The following HS6ST3 variants were observed in gnomAD, a reference collection of about 807,000 sequenced individuals.
HS6ST3 encodes heparan-sulfate 6-O-sulfotransferase 3.
A neutral mutation model predicts 36.7 loss-of-function variants in HS6ST3; 12 were observed. That is an observed-to-expected ratio of 0.33 (90% CI 0.21 to 0.53). The LOEUF is 0.53. Ranked by LOEUF, HS6ST3 falls within the 20% of genes least tolerant of loss-of-function variation. The pLI, the probability that HS6ST3 is intolerant of heterozygous loss-of-function variation, is 0.95. For synonymous variants in HS6ST3, 240 were observed against 257.5 expected (o/e 0.93, Z 0.65); for missense variants, 584 against 640.9 (o/e 0.91, Z 0.96).
chr13:96,472,531 A>G (rs1175011317), intron 1 of HS6ST3, among the ~76,000 whole-genome samples: 1 of 152,150 alleles, frequency 6.6e-6, no homozygotes, highest in Non-Finnish European at 1.5e-5. Flanking sequence ...TGAAACACAC[A>G]TCGATGCCCT....
At chr13:96,252,494 C>G (rs1361389850) in intron 1 of HS6ST3, among the ~76,000 whole-genome samples, 3 of 152,184 alleles carry the variant, frequency 2.0e-5, no homozygotes, top group Admixed American at 2.0e-4. Flanking sequence ...ATTTTGCAGT[C>G]AGGTCTTGTG....
intron 1 of HS6ST3, among the ~76,000 whole-genome samples, chr13:96,175,285 A>C (rs1335013143): frequency 6.6e-6 from 1 of 152,038 alleles, no homozygotes; most frequent in Non-Finnish European, 1.5e-5. Context: ...TTTTCCCGGG[A>C]GCGTGTGCAC....
At chr13:96,403,502 A>G (rs766521070) in intron 1 of HS6ST3, among the ~76,000 whole-genome samples, 2 of 152,222 alleles carry the variant, frequency 1.3e-5, no homozygotes, top group Non-Finnish European at 2.9e-5. Flanking sequence ...CCAGTAACTC[A>G]GATCCCACAT....
intron 1 of HS6ST3, among the ~76,000 whole-genome samples, chr13:96,271,529 G>A (rs574036659): frequency 6.6e-6 from 1 of 151,982 alleles, no homozygotes; most frequent in East Asian, 1.9e-4. Context: ...GGCAGGGACT[G>A]TTCTTGCCTT....
At chr13:96,655,385 A>G (rs902457089) in intron 1 of HS6ST3, among the ~76,000 whole-genome samples, 6 of 152,218 alleles carry the variant, frequency 3.9e-5, no homozygotes, top group African/African-American at 1.2e-4. Flanking sequence ...AGATTATTGC[A>G]TATTTCCAGG....
At chr13:96,503,548 G>T (rs1327119424) in intron 1 of HS6ST3, among the ~76,000 whole-genome samples, 1 of 152,144 alleles carries the variant, frequency 6.6e-6, no homozygotes, top group Non-Finnish European at 1.5e-5. Context: ...GGAAGAGTGG[G>T]ATTTATTACT....
chr13:96,736,887 T>A (rs1218879353), intron 1 of HS6ST3, among the ~76,000 whole-genome samples: 1 of 152,156 alleles, frequency 6.6e-6, no homozygotes, highest in Non-Finnish European at 1.5e-5. Context: ...AAACCCAAAC[T>A]GTAATACATT....
At chr13:96,233,518 A>G (rs1427032859) in intron 1 of HS6ST3, among the ~76,000 whole-genome samples, 1 of 152,244 alleles carries the variant, frequency 6.6e-6, no homozygotes, top group African/African-American at 2.4e-5. Flanking sequence ...GAAGAGTTCC[A>G]GCAAAATAAA....
At chr13:96,616,613 T>C (rs2056475214) in intron 1 of HS6ST3, among the ~76,000 whole-genome samples, 1 of 152,198 alleles carries the variant, frequency 6.6e-6, no homozygotes, top group South Asian at 2.1e-4. Context: ...CTAAGATTGC[T>C]GCATGAGAAC....
At chr13:96,204,043 T>C (rs1388672457) in intron 1 of HS6ST3, among the ~76,000 whole-genome samples, 1 of 152,196 alleles carries the variant, frequency 6.6e-6, no homozygotes, top group African/African-American at 2.4e-5. Flanking sequence ...TACTATAAAC[T>C]GTTATGTGAC....
At chr13:96,497,746 T>A (rs968220722) in intron 1 of HS6ST3, among the ~76,000 whole-genome samples, 1 of 152,178 alleles carries the variant, frequency 6.6e-6, no homozygotes, top group Admixed American at 6.5e-5. Context: ...TTAAAATCTG[T>A]CCCCTGCATA....
intron 1 of HS6ST3, among the ~76,000 whole-genome samples, chr13:96,492,357 A>C (rs2055950733): frequency 6.6e-6 from 1 of 152,220 alleles, no homozygotes; most frequent in Admixed American, 6.5e-5. Flanking sequence ...CTGGTAAGGA[A>C]CATCTACCAG....
intron 1 of HS6ST3, among the ~76,000 whole-genome samples, chr13:96,767,464 G>GGTAT (rs1877147316): frequency 6.6e-6 from 1 of 152,126 alleles, no homozygotes; most frequent in South Asian, 2.1e-4. Context: ...AAATGGCTTT[G>GGTAT]GTATGTATGT....
rs55827702 is a variant in HS6ST3, at chr13:96,416,661, A to ATT, written c.707+325106_707+325107dup. Among the ~76,000 whole-genome samples, 827 of 143,454 alleles carry ATT rather than the reference A, an allele frequency of 5.8e-3. 7 individuals carry two copies. The highest frequency in any genetic ancestry group is 0.015 in the Middle Eastern group (4 of 272). The allele number at this position is 143,454 out of a possible 152,430, so 94.1% of individuals were successfully genotyped here. The stretch of plus-strand genomic sequence containing the variant: ...CTTTAGAACTGTAAACTGTAAGTGT[A>ATT]TTTTTTTTTTTTTTTGAAAGCTCTT... On this transcript the variant is annotated intron_variant, in intron 1 of 1. Transcript: ENST00000376705.
Position 96,224,592 on chromosome 13 carries a change from G to A in HS6ST3, c.707+133023G>A, listed in dbSNP as rs1021825286. Among the ~76,000 whole-genome samples the A allele has an allele frequency of 1.3e-5, 2 of 152,316 alleles. 1 individual carries two copies. ...GGCCTCCCAAAGTGCTAGGATTATA[G>A]GCGTGAGCCATCACAGCCGATCTGT... On this transcript the variant is annotated intron_variant, in intron 1 of 1. Transcript: ENST00000376705.
intron 1 of HS6ST3, among the ~76,000 whole-genome samples, chr13:96,610,865 C>CA (rs1566410675): frequency 6.9e-6 from 1 of 144,156 alleles, no homozygotes; most frequent in African/African-American, 2.6e-5. Flanking sequence ...AAAAAAAAAA[C>CA]AAAAAACAAA....
chr13:96,153,721 A>G (rs1333489568), intron 1 of HS6ST3, among the ~76,000 whole-genome samples: 2 of 152,242 alleles, frequency 1.3e-5, no homozygotes, highest in Non-Finnish European at 2.9e-5. Flanking sequence ...TATGTTTCAA[A>G]TTATAGTAAA....
intron 1 of HS6ST3, among the ~76,000 whole-genome samples, chr13:96,096,712 A>G (rs2053792893): frequency 1.3e-5 from 2 of 152,150 alleles, no homozygotes; most frequent in Non-Finnish European, 2.9e-5. Context: ...AAAATATAAC[A>G]CAACTTGCCA....
At chr13:96,591,364 A>C (rs548827138) in intron 1 of HS6ST3, among the ~76,000 whole-genome samples, 1 of 151,834 alleles carries the variant, frequency 6.6e-6, no homozygotes, top group Non-Finnish European at 1.5e-5. Context: ...AGTCCTCTTC[A>C]ATTTTTTTAT....
Sources: allele counts gnomAD v4.1 joint callset (sites outside exome capture counted in the v4.1 genomes callset), GRCh38; gene constraint gnomAD v4.1.1; transcripts MANE v1.5; gene names NCBI Gene and HGNC (gene_info 2026-07-23, HGNC 2026-07-21).